The following IQCM variants were observed in gnomAD, a reference collection of about 807,000 sequenced individuals.
The protein encoded by IQCM is IQ domain-containing protein M.
A neutral mutation model predicts 57.6 loss-of-function variants in IQCM; 45 were observed. The observed-to-expected ratio is 0.78, with a 90% CI of 0.62 to 1.00. The LOEUF (loss-of-function observed/expected upper bound fraction) is 1.00, where lower values mean the gene tolerates loss of function less well. Among genes scored for constraint, IQCM ranks in the 50% least tolerant of loss-of-function variants. The pLI, the probability that IQCM is intolerant of heterozygous loss-of-function variation, is 0.00. For synonymous variants in IQCM, 148 were observed against 158.9 expected (o/e 0.93, Z 0.51); for missense variants, 468 against 511.6 (o/e 0.91, Z 0.82).
chr4:149,393,955 GCATGGATAAAA>G (rs1732042472), intron 13 of IQCM, among the ~76,000 whole-genome samples: 1 of 151,934 alleles, frequency 6.6e-6, no homozygotes, highest in Admixed American at 6.6e-5. Flanking sequence ...AACAAATGTT[GCATGGATAAAA>G]CAATAAGCAG....
At chr4:149,701,438 A>G (rs965962826) in intron 5 of IQCM, among the ~76,000 whole-genome samples, 11 of 152,034 alleles carry the variant, frequency 7.2e-5, no homozygotes, top group South Asian at 4.1e-4. Flanking sequence ...GCCGCTAAAC[A>G]TAGAAAGTGG....
intron 2 of IQCM, chr4:149,790,404 A>G: frequency 5.8e-6 from 1 of 172,868 alleles, no homozygotes; most frequent in Non-Finnish European, 1.4e-5. Context: ...TTCTGTGAAT[A>G]CAAGTTATTT....
intron 13 of IQCM, among the ~76,000 whole-genome samples, chr4:149,403,707 G>A (rs1451547517): frequency 6.6e-6 from 1 of 151,898 alleles, no homozygotes; most frequent in Non-Finnish European, 1.5e-5. Flanking sequence ...TGGGACAGAT[G>A]GAGGAAAAAG....
At chr4:149,594,567 T>C (rs1241374355) in intron 8 of IQCM, among the ~76,000 whole-genome samples, 1 of 152,234 alleles carries the variant, frequency 6.6e-6, no homozygotes, top group African/African-American at 2.4e-5. Flanking sequence ...ATTTTAGATC[T>C]TTCCTGCTTT....
At chr4:149,762,911 G>A (rs976229621) in intron 2 of IQCM, among the ~76,000 whole-genome samples, 5 of 151,782 alleles carry the variant, frequency 3.3e-5, no homozygotes, top group African/African-American at 7.3e-5. Flanking sequence ...CTTCATAAAC[G>A]TGTTAAATTT....
At chr4:149,537,309 A>T (rs1747392618) in intron 12 of IQCM, among the ~76,000 whole-genome samples, 1 of 151,922 alleles carries the variant, frequency 6.6e-6, no homozygotes, top group Non-Finnish European at 1.5e-5. Flanking sequence ...AGAGTTGAAA[A>T]ATACAGTAAT....
intron 7 of IQCM, among the ~76,000 whole-genome samples, chr4:149,657,226 A>C (rs1759717490): frequency 6.6e-6 from 1 of 151,970 alleles, no homozygotes; most frequent in African/African-American, 2.4e-5. Flanking sequence ...TGTGATATCG[A>C]TATTTTTTTA....
intron 12 of IQCM, among the ~76,000 whole-genome samples, chr4:149,466,877 C>A (rs1270972125): frequency 6.6e-6 from 1 of 152,122 alleles, no homozygotes. Flanking sequence ...AGAAATAAAA[C>A]CTTCTTGCTG....
intron 8 of IQCM, among the ~76,000 whole-genome samples, chr4:149,608,995 T>A (rs1290948619): frequency 6.6e-6 from 1 of 151,266 alleles, no homozygotes; most frequent in African/African-American, 2.4e-5. Context: ...GAACAAAAGT[T>A]GAGCCAGACT....
intron 13 of IQCM, among the ~76,000 whole-genome samples, chr4:149,389,028 C>CT (rs1451312145): frequency 2.6e-5 from 4 of 151,256 alleles, no homozygotes; most frequent in East Asian, 3.9e-4. Flanking sequence ...TTTATTTGTG[C>CT]TTTTTTTGTC....
intron 7 of IQCM, among the ~76,000 whole-genome samples, chr4:149,648,055 CT>C (rs1429537804): frequency 1.3e-5 from 2 of 152,070 alleles, no homozygotes; most frequent in Non-Finnish European, 2.9e-5. Context: ...TCTAGAATTT[CT>C]GCTGTTCTAT....
At chr4:149,770,477 A>C (rs78406634) in intron 2 of IQCM, among the ~76,000 whole-genome samples, 2,715 of 152,154 alleles carry the variant, frequency 0.018, 89 homozygotes, top group African/African-American at 0.063. Context: ...GAGATACATT[A>C]CAAGAAAAAT....
At chr4:149,510,777 G>C (rs781271896) in intron 12 of IQCM, among the ~76,000 whole-genome samples, 1 of 152,068 alleles carries the variant, frequency 6.6e-6, no homozygotes, top group Non-Finnish European at 1.5e-5. Flanking sequence ...TTAGACTGGG[G>C]TTATGTGTTT....
At chr4:149,802,152 G>T (rs1025631220) in intron 2 of IQCM, among the ~76,000 whole-genome samples, 22 of 151,280 alleles carry the variant, frequency 1.5e-4, no homozygotes, top group Non-Finnish European at 3.0e-4. Context: ...TAAAAGTCAT[G>T]TTTCCCAAAG....
At chr4:149,640,199 G>C (rs920053426) in intron 7 of IQCM, among the ~76,000 whole-genome samples, 8 of 152,178 alleles carry the variant, frequency 5.3e-5, no homozygotes, top group African/African-American at 1.7e-4. Context: ...TGGAGTGCTT[G>C]AGATATTTTG....
At chr4:149,443,017 G>C (rs1224183266) in intron 12 of IQCM, among the ~76,000 whole-genome samples, 1 of 149,442 alleles carries the variant, frequency 6.7e-6, no homozygotes, top group Non-Finnish European at 1.5e-5. Context: ...GCAAGGAATA[G>C]GTTTATGCAG....
intron 12 of IQCM, among the ~76,000 whole-genome samples, chr4:149,495,187 T>G (rs1399552024): frequency 6.6e-6 from 1 of 152,148 alleles, no homozygotes; most frequent in African/African-American, 2.4e-5. Context: ...TTTTTAAGTT[T>G]CTTATATATT....
chr4:149,622,222 TTA>T (rs1198589596), intron 7 of IQCM, among the ~76,000 whole-genome samples: 1 of 152,200 alleles, frequency 6.6e-6, no homozygotes, highest in African/African-American at 2.4e-5. Flanking sequence ...CATTTTAACT[TTA>T]TATATATTTC....
At chr4:149,706,637 CTT>C (rs1394727298) in intron 5 of IQCM, among the ~76,000 whole-genome samples, 3 of 151,956 alleles carry the variant, frequency 2.0e-5, no homozygotes, top group Non-Finnish European at 4.4e-5. Context: ...CTAAACCAAA[CTT>C]GAGAACATAT....
Sources: allele counts gnomAD v4.1 joint callset (sites outside exome capture counted in the v4.1 genomes callset), GRCh38; gene constraint gnomAD v4.1.1; transcripts MANE v1.5; gene names NCBI Gene and HGNC (gene_info 2026-07-23, HGNC 2026-07-21).